The following ERC2 variants were observed in gnomAD, a reference collection of about 807,000 sequenced individuals.
ERC2 encodes ELKS/RAB6-interacting/CAST family member 2, also known as ERC protein 2.
ERC2 carries 42 observed loss-of-function variants against 114.8 expected under a neutral mutation model. The ratio of observed to expected loss-of-function variants is 0.37; its 90% CI spans 0.29 to 0.47. The LOEUF is 0.47. ERC2 is among the 20% of genes least tolerant of loss of function. The pLI is 0.99. For missense variants in ERC2, 939 were observed against 1,150.7 expected (o/e 0.82, Z 2.66); for synonymous variants, 454 against 425.5 (o/e 1.07, Z -0.82).
At chr3:55,961,190 T>C (rs747973146) in intron 12 of ERC2, among the ~76,000 whole-genome samples, 6 of 152,182 alleles carry the variant, frequency 3.9e-5, no homozygotes, top group Non-Finnish European at 8.8e-5. Flanking sequence ...GTGCAAGTCT[T>C]ATCTCACCCT....
At chr3:56,040,663 C>CATATATAGATGTATATGTATATATAT in intron 7 of ERC2, among the ~76,000 whole-genome samples, 4 of 48,966 alleles carry the variant, frequency 8.2e-5, no homozygotes, top group African/African-American at 8.8e-5. Flanking sequence ...TGTATATATA[C>CATATATAGATGTATATGTATATATAT]ATATATAGAT....
At chr3:55,944,040 G>A (rs530139417) in intron 13 of ERC2, among the ~76,000 whole-genome samples, 6 of 152,228 alleles carry the variant, frequency 3.9e-5, no homozygotes, top group African/African-American at 7.2e-5. Context: ...ATAGGATAAC[G>A]TCTAAAAAAT....
chr3:56,426,996 TA>T (rs537295354), intron 2 of ERC2, among the ~76,000 whole-genome samples: 1,018 of 79,556 alleles, frequency 0.013, 6 homozygotes, highest in African/African-American at 0.034. Flanking sequence ...ACCTCATCTC[TA>T]AAAAAAAAAA....
intron 5 of ERC2, among the ~76,000 whole-genome samples, chr3:56,140,495 A>T (rs1258945796): frequency 1.3e-5 from 2 of 152,164 alleles, no homozygotes; most frequent in African/African-American, 4.8e-5. Context: ...ACAATGTTGT[A>T]CATAGAGTTC....
intron 13 of ERC2, among the ~76,000 whole-genome samples, chr3:55,910,669 C>T (rs941732063): frequency 4.0e-4 from 61 of 152,108 alleles, no homozygotes; most frequent in African/African-American, 1.4e-3. Context: ...TATGAACAAT[C>T]GTCTGTAATA....
At chr3:56,034,305 C>T (rs1051948450) in intron 7 of ERC2, among the ~76,000 whole-genome samples, 2 of 151,950 alleles carry the variant, frequency 1.3e-5, no homozygotes, top group Non-Finnish European at 2.9e-5. Context: ...TATATATATG[C>T]ACCCAACATC....
In ERC2 at chr3:55,818,317, T is replaced by C. The variant is rs182185262; in HGVS notation, c.2564+70072A>G. ...TGCCTCTCATTTCATCAGAATAGAG[T>C]AGGAGTCTGAAATAGTCAATAAATC... On this transcript the variant is annotated intron_variant, in intron 14 of 17. Coordinates refer to ENST00000288221, the MANE Select transcript of ERC2 (RefSeq NM_015576.3). 1.6e-3 allele frequency among the ~76,000 whole-genome samples: 245 copies of C among 152,172 alleles called. 1 individual carries two copies. The highest frequency in any genetic ancestry group is 5.6e-3 in the African/African-American group (234 of 41,518).
At chr3:55,982,918 G>A (rs1185254249) in intron 12 of ERC2, among the ~76,000 whole-genome samples, 1 of 152,240 alleles carries the variant, frequency 6.6e-6, no homozygotes, top group Non-Finnish European at 1.5e-5. Context: ...ATCACAAAGA[G>A]TTTATTTTGG....
chr3:55,630,129 T>A (rs2059686581), intron 17 of ERC2, among the ~76,000 whole-genome samples: 1 of 152,226 alleles, frequency 6.6e-6, no homozygotes. Flanking sequence ...TTGCAGCTAC[T>A]CTCCTAAAGC....
chr3:55,588,152 G>A (rs190115829), intron 17 of ERC2, among the ~76,000 whole-genome samples: 5 of 152,192 alleles, frequency 3.3e-5, no homozygotes, highest in Middle Eastern at 3.4e-3. Context: ...CATCAGGGTC[G>A]TTTCCTGGTT....
chr3:56,418,295 CAAAAA>C (rs57185789), intron 2 of ERC2, among the ~76,000 whole-genome samples: 1 of 75,206 alleles, frequency 1.3e-5, no homozygotes, highest in Admixed American at 1.5e-4. Context: ...GATCCTGTCT[CAAAAA>C]AAAAAAAAAA....
intron 7 of ERC2, among the ~76,000 whole-genome samples, chr3:56,025,924 A>G (rs1279631155): frequency 1.3e-5 from 2 of 152,176 alleles, no homozygotes; most frequent in African/African-American, 4.8e-5. Flanking sequence ...TTCAAAATGG[A>G]GGAATTCTCC....
intron 10 of ERC2, among the ~76,000 whole-genome samples, chr3:56,000,353 A>G (rs952538459): frequency 2.0e-5 from 3 of 152,100 alleles, no homozygotes; most frequent in African/African-American, 7.2e-5. Context: ...GAACCTAAAA[A>G]TTGTTCTCTA....
intron 14 of ERC2, among the ~76,000 whole-genome samples, chr3:55,865,544 T>A (rs1474092089): frequency 6.6e-6 from 1 of 152,088 alleles, no homozygotes; most frequent in African/African-American, 2.4e-5. Flanking sequence ...TGTGAAAACA[T>A]CACCCACAAT....
rs2150116849 is a variant in ERC2 at position 56,208,874 on chromosome 3, A to AAAATTCAGGCT, written c.1075-35355_1075-35354insAGCCTGAATTT. ...CTAGGCCAGGGGAAAATTCAGGCTG[A>AAAATTCAGGCT]GAAACTGCAGAATGGTCACAGCCTC... On this transcript the variant is annotated intron_variant, in intron 3 of 17. Coordinates refer to ENST00000288221, the MANE Select transcript of ERC2 (RefSeq NM_015576.3). Among the ~76,000 whole-genome samples, 3 of 152,312 alleles carry AAAATTCAGGCT rather than the reference A, an allele frequency of 2.0e-5. No homozygotes were observed. In the East Asian group the frequency reaches 5.8e-4, roughly 29 times the overall value.
Position 55,720,207 on chromosome 3 carries a change from TCTTCTTCTTCTTCTTCTTCTTCTTCTTC to T in ERC2, c.2712+14536_2712+14563del, listed in dbSNP as rs2064427772. 3.5e-4 allele frequency among the ~76,000 whole-genome samples: 7 copies of T among 20,106 alleles called. 2 individuals carry two copies. Among genetic ancestry groups the T allele is most frequent in the African/African-American group, 1.5e-3 (5 of 3,268 alleles). The allele number at this position is 20,106 out of a possible 152,430, so 13.2% of individuals were successfully genotyped here. A position where few individuals can be genotyped will look rare whatever the true frequency, so the allele number is the denominator to read the frequency against. On this transcript the variant is annotated intron_variant, in intron 15 of 17. Coordinates refer to ENST00000288221, the MANE Select transcript of ERC2 (RefSeq NM_015576.3). ...TTCTTCTTCTTCTTCTTCTTCTTCT[TCTTCTTCTTCTTCTTCTTCTTCTTCTTC>T]TTCTTCTCTCTCTCTCTCTCTCTCT...
In ERC2 at chr3:55,927,512, G is replaced by T. The variant is rs545264779; in HGVS notation, c.2403+22913C>A. ...ATTTATGGGGTATATGAGATATTTT[G>T]ATATAGGCACACAATGTGCAATAAT... On this transcript the variant is annotated intron_variant, in intron 13 of 17. Coordinates refer to ENST00000288221, the MANE Select transcript of ERC2 (RefSeq NM_015576.3). 3.6e-4 allele frequency among the ~76,000 whole-genome samples: 54 copies of T among 152,098 alleles called. No homozygotes were observed. In the South Asian group the frequency reaches 7.3e-3, roughly 20 times the overall value.
At chr3:56,408,598 C>A (rs1002095838) in intron 2 of ERC2, among the ~76,000 whole-genome samples, 2 of 152,142 alleles carry the variant, frequency 1.3e-5, no homozygotes, top group Admixed American at 6.5e-5. Context: ...ACTGAACAGT[C>A]CCTGGTATAA....
Position 55,599,283 on chromosome 3 carries a change from C to T in ERC2, c.*39+84511G>A, listed in dbSNP as rs537734049. Among the ~76,000 whole-genome samples, 27 of 152,254 alleles carry T rather than the reference C, an allele frequency of 1.8e-4. No homozygotes were observed. In the Middle Eastern group the frequency reaches 0.017, roughly 96 times the overall value. On this transcript the variant is annotated intron_variant, in intron 17 of 17. Transcript: ENST00000288221. ...CTGTAAGCACTACTCTGCTCCTCCA[C>T]GTCCCCTGCAACACATCCTATGAAG...
Sources: allele counts gnomAD v4.1 joint callset (sites outside exome capture counted in the v4.1 genomes callset), GRCh38; gene constraint gnomAD v4.1.1; transcripts MANE v1.5; gene names NCBI Gene and HGNC (gene_info 2026-07-23, HGNC 2026-07-21).